The following CNTNAP2 variants were observed in gnomAD, a reference collection of about 807,000 sequenced individuals.
CNTNAP2 encodes the protein contactin associated protein 2, also known as contactin-associated protein-like 2.
Under a neutral mutation model 155.2 loss-of-function variants are expected in CNTNAP2, and 98 were observed. The observed-to-expected ratio is 0.63, with a 90% CI of 0.54 to 0.75. CNTNAP2 has a LOEUF of 0.75. Among genes scored for constraint, CNTNAP2 ranks in the 30% least tolerant of loss-of-function variants. The pLI is 0.00. For synonymous variants in CNTNAP2, 651 were observed against 631.2 expected (o/e 1.03, Z -0.47); for missense variants, 1,727 against 1,688.1 (o/e 1.02, Z -0.40).
chr7:147,915,782 A>G (rs1284835121), intron 14 of CNTNAP2, among the ~76,000 whole-genome samples: 3 of 152,034 alleles, frequency 2.0e-5, no homozygotes, highest in Admixed American at 2.0e-4. Context: ...AAAAAAAGGA[A>G]ACTCTTAATT....
chr7:148,060,358 C>T (rs1803107074), intron 15 of CNTNAP2, among the ~76,000 whole-genome samples: 1 of 152,036 alleles, frequency 6.6e-6, no homozygotes, highest in Non-Finnish European at 1.5e-5. Context: ...TGTATATTTA[C>T]ATACTATGTG....
chr7:147,438,776 G>A (rs770427116), intron 10 of CNTNAP2, among the ~76,000 whole-genome samples: 1 of 151,876 alleles, frequency 6.6e-6, no homozygotes, highest in Non-Finnish European at 1.5e-5. Flanking sequence ...CTTGTTACTA[G>A]TCTGTTCAGG....
intron 2 of CNTNAP2, among the ~76,000 whole-genome samples, chr7:146,819,032 T>C (rs1038024192): frequency 6.6e-6 from 1 of 152,152 alleles, no homozygotes; most frequent in African/African-American, 2.4e-5. Context: ...TACCTACTTT[T>C]AATCAATGTA....
At chr7:146,230,731 A>G (rs1033176728) in intron 1 of CNTNAP2, among the ~76,000 whole-genome samples, 3 of 152,120 alleles carry the variant, frequency 2.0e-5, no homozygotes, top group African/African-American at 7.2e-5. Context: ...AAGTTAATCT[A>G]TTGGCCGGGC....
At chr7:147,201,377 G>A (rs546352338) in intron 8 of CNTNAP2, among the ~76,000 whole-genome samples, 11 of 152,220 alleles carry the variant, frequency 7.2e-5, no homozygotes, top group Non-Finnish European at 1.3e-4. Flanking sequence ...TTTTGAAGGC[G>A]TGAATGTCTC....
intron 1 of CNTNAP2, among the ~76,000 whole-genome samples, chr7:146,771,744 A>G (rs1802296196): frequency 6.6e-6 from 1 of 152,216 alleles, no homozygotes; most frequent in South Asian, 2.1e-4. Flanking sequence ...ATAATAAATA[A>G]TAATTCATTT....
chr7:147,443,058 TG>T (rs1044325215), intron 10 of CNTNAP2, among the ~76,000 whole-genome samples: 1 of 152,142 alleles, frequency 6.6e-6, no homozygotes, highest in Non-Finnish European at 1.5e-5. Context: ...CCCAGTCAGC[TG>T]GGTTTGGGCC....
At chr7:148,118,021 C>G in intron 15 of CNTNAP2, 97 bp from the exon 16 acceptor site, 2 of 1,253,486 alleles carry the variant, frequency 1.6e-6, no homozygotes, top group African/African-American at 1.5e-5. Flanking sequence ...ATGACTATTG[C>G]TAATGGTACT....
At chr7:147,666,686 C>T (rs565380835) in intron 13 of CNTNAP2, among the ~76,000 whole-genome samples, 40 of 152,268 alleles carry the variant, frequency 2.6e-4, no homozygotes. Flanking sequence ...AATTTAATTA[C>T]ACATTATTTT....
intron 1 of CNTNAP2, among the ~76,000 whole-genome samples, chr7:146,309,904 CA>C (rs541876067): frequency 2.7e-5 from 4 of 150,626 alleles, no homozygotes; most frequent in Admixed American, 6.6e-5. Flanking sequence ...ACAATTTGAA[CA>C]AAAAAAGGGG....
intron 15 of CNTNAP2, among the ~76,000 whole-genome samples, chr7:148,048,067 G>T (rs1322296623): frequency 6.6e-6 from 1 of 151,908 alleles, no homozygotes; most frequent in Non-Finnish European, 1.5e-5. Context: ...GGGACTACAG[G>T]TGCCTGCCAC....
intron 1 of CNTNAP2, among the ~76,000 whole-genome samples, chr7:146,487,758 G>T (rs888278540): frequency 1.3e-5 from 2 of 152,192 alleles, no homozygotes; most frequent in African/African-American, 4.8e-5. Context: ...ATGGTGTTCA[G>T]ATCATGGGCA....
intron 21 of CNTNAP2, among the ~76,000 whole-genome samples, chr7:148,361,128 A>G (rs901868620): frequency 4.6e-5 from 7 of 152,060 alleles, no homozygotes; most frequent in Non-Finnish European, 7.4e-5. Flanking sequence ...TTAATTTTCT[A>G]TATCGGGTCT....
intron 15 of CNTNAP2, among the ~76,000 whole-genome samples, chr7:148,004,671 C>A (rs1563164240): frequency 6.6e-6 from 1 of 152,190 alleles, no homozygotes; most frequent in Non-Finnish European, 1.5e-5. Context: ...ACAAAGAAAG[C>A]TTCTTTCTTC....
chr7:147,457,494 G>A (rs966987529), intron 10 of CNTNAP2, among the ~76,000 whole-genome samples: 3 of 86,678 alleles, frequency 3.5e-5, no homozygotes, highest in African/African-American at 9.3e-5. Flanking sequence ...CCACTGTAGC[G>A]CTTACTGTAT....
chr7:146,119,090 A>T (rs1797526825), intron 1 of CNTNAP2, among the ~76,000 whole-genome samples: 1 of 152,110 alleles, frequency 6.6e-6, no homozygotes, highest in African/African-American at 2.4e-5. Context: ...AAAGTATGAT[A>T]GTTATATTCT....
intron 15 of CNTNAP2, among the ~76,000 whole-genome samples, chr7:147,990,152 T>C (rs191929755): frequency 6.6e-6 from 1 of 152,296 alleles, no homozygotes; most frequent in East Asian, 1.9e-4. Flanking sequence ...AGTTTTGTTA[T>C]AAAGGATACA....
At chr7:147,523,722 G>A (rs993777820) in intron 11 of CNTNAP2, among the ~76,000 whole-genome samples, 2 of 152,026 alleles carry the variant, frequency 1.3e-5, no homozygotes, top group African/African-American at 4.8e-5. Flanking sequence ...CTCCCTCTTC[G>A]GGCTCTTATT....
intron 13 of CNTNAP2, among the ~76,000 whole-genome samples, chr7:147,849,409 A>G (rs1469935751): frequency 1.3e-5 from 2 of 152,202 alleles, no homozygotes; most frequent in African/African-American, 2.4e-5. Context: ...CTGTTTCACT[A>G]CAACTATTCT....
Sources: gnomAD v4.1 joint callset for allele counts (sites outside exome capture counted in the v4.1 genomes callset) on GRCh38, gnomAD v4.1.1 for gene constraint, MANE v1.5 for transcripts, NCBI Gene and HGNC (gene_info 2026-07-23, HGNC 2026-07-21) for gene names.